Variants in ABI2 observed in about 807,000 individuals in gnomAD.
The protein encoded by ABI2 is abl interactor 2, also known as abelson interactor 2.
Under a neutral mutation model 59.2 loss-of-function variants are expected in ABI2, and 25 were observed. The observed-to-expected ratio is 0.42, with a 90% CI of 0.31 to 0.59. The LOEUF (loss-of-function observed/expected upper bound fraction) is 0.59. Ranked by LOEUF, ABI2 falls within the 20% of genes least tolerant of loss-of-function variation. The probability of loss-of-function intolerance (pLI) is 0.14; values close to 1 mark genes in which losing one functional copy is unlikely to be tolerated. For missense variants in ABI2, 545 were observed against 681.8 expected, an observed-to-expected ratio of 0.80 and a Z score of 2.23; for synonymous variants, 213 against 235.5, an observed-to-expected ratio of 0.90 and a Z score of 0.87.
intron 1 of ABI2, among the ~76,000 whole-genome samples, chr2:203,347,974 C>T (rs116286210): frequency 7.9e-5 from 12 of 152,276 alleles, no homozygotes; most frequent in Non-Finnish European, 1.3e-4. Context: ...GCGCAGGTGG[C>T]TCATGCCTAT....
chr2:203,384,262 C>T (rs1464895053), intron 4 of ABI2, among the ~76,000 whole-genome samples: 1 of 148,154 alleles, frequency 6.7e-6, no homozygotes, highest in Non-Finnish European at 1.5e-5. Flanking sequence ...TGAACTGGTT[C>T]CTGTTCCATA....
At chr2:203,338,115 G>C (rs6435184) in intron 1 of ABI2, among the ~76,000 whole-genome samples, 113,234 of 152,158 alleles carry the variant, frequency 0.74, 43,296 homozygotes, top group Middle Eastern at 0.87. Context: ...CGGAAATGTA[G>C]CCACATCTGT....
chr2:203,412,898 C>CT (rs1340200414), intron 10 of ABI2, among the ~76,000 whole-genome samples: 2 of 152,228 alleles, frequency 1.3e-5, no homozygotes, highest in Non-Finnish European at 2.9e-5. Flanking sequence ...AATTGAAGGA[C>CT]TTTCCAATGC....
chr2:203,338,938 A>ATATATATATATATATATATT (rs2077886964), intron 1 of ABI2, among the ~76,000 whole-genome samples: 1 of 8,296 alleles, frequency 1.2e-4, no homozygotes, highest in African/African-American at 1.5e-4. Flanking sequence ...GTATATGTAT[A>ATATATATATATATATATATT]TATATATATA....
intron 1 of ABI2, among the ~76,000 whole-genome samples, chr2:203,337,223 C>T (rs886153066): frequency 4.6e-5 from 7 of 152,144 alleles, no homozygotes; most frequent in African/African-American, 1.4e-4. Context: ...TTGCAAATGA[C>T]ATGATTCCTT....
chr2:203,426,625 T>C (rs1436576761), intron 11 of ABI2, among the ~76,000 whole-genome samples: 3 of 152,126 alleles, frequency 2.0e-5, no homozygotes, highest in African/African-American at 7.2e-5. Flanking sequence ...TACATTTAAC[T>C]TGGGGAAATT....
chr2:203,347,189 G>T (rs1187195915), intron 1 of ABI2, among the ~76,000 whole-genome samples: 3 of 152,288 alleles, frequency 2.0e-5, no homozygotes. Flanking sequence ...AAGCAAGGAA[G>T]TGATGGGTTT....
intron 8 of ABI2, 37 bp from the exon 9 acceptor site, chr2:203,402,539 C>A: frequency 7.3e-7 from 1 of 1,376,984 alleles, no homozygotes; most frequent in Non-Finnish European, 9.5e-7. Context: ...AGATAATTTT[C>A]TTTTAATGAC....
In ABI2 at chr2:203,402,783, A is replaced by G. The variant is rs1166283023; in HGVS notation, c.1192+49A>G. ...TTCTATAGAATGTATTTAATTAAAA[A>G]CCTTCAACTACAAAAAACCCTTAAT... On this transcript the variant is annotated intron_variant, in intron 9 of 11. Transcript: ENST00000261018. The G allele has an allele frequency of 2.8e-6, 4 of 1,437,950 alleles. No individual in the cohort carries two copies. In the African/African-American group the frequency reaches 5.8e-5, roughly 21 times the overall value. 89.1% of individuals were successfully genotyped at this position (1,437,950 alleles called of 1,614,324 possible).
chr2:203,427,152 C>A, intron 11 of ABI2, 25 bp from the exon 12 acceptor site: 1 of 1,602,206 alleles, frequency 6.2e-7, no homozygotes, highest in Non-Finnish European at 8.5e-7. Flanking sequence ...TCTTTCACAT[C>A]CTGTTTTGTT....
intron 1 of ABI2, among the ~76,000 whole-genome samples, chr2:203,330,667 C>T (rs2072656379): frequency 6.6e-6 from 1 of 152,048 alleles, no homozygotes; most frequent in Non-Finnish European, 1.5e-5. Flanking sequence ...CCTTGTGCAG[C>T]ATATTATGGG....
At chr2:203,391,591 C>G (rs984172342) in intron 5 of ABI2, among the ~76,000 whole-genome samples, 1 of 152,028 alleles carries the variant, frequency 6.6e-6, no homozygotes, top group Admixed American at 6.6e-5. Context: ...GAGACCAAAG[C>G]GGGCAGATCA....
intron 1 of ABI2, among the ~76,000 whole-genome samples, chr2:203,334,794 G>T (rs1469254628): frequency 6.6e-6 from 1 of 151,924 alleles, no homozygotes. Flanking sequence ...CTGAGTAGCT[G>T]GGATTACAGG....
chr2:203,328,449 C>T lies in ABI2; in HGVS notation c.-66C>T. The T allele has an allele frequency of 7.3e-7, 1 of 1,367,090 alleles. No homozygotes were observed. Among genetic ancestry groups the T allele is most frequent in the Non-Finnish European group, 1.0e-6 (1 of 987,984 alleles). 84.7% of individuals were successfully genotyped at this position (1,367,090 alleles called of 1,614,324 possible). On this transcript the variant is annotated 5_prime_UTR_variant, in exon 1 of 12. Transcript: ENST00000261018. The stretch of plus-strand genomic sequence containing the variant: ...CTCCTCCTCTCCCGGTCCTGGGTTT[C>T]CTTGGCGCTGCGGCCGCCGCTCCCT...
Position 203,395,483 on chromosome 2 carries a change from ACAT to A in ABI2, c.726-172_726-170del, listed in dbSNP as rs1481377099. Among the ~76,000 whole-genome samples the A allele has an allele frequency of 2.8e-3, 413 of 149,928 alleles. 3 individuals carry two copies. Among genetic ancestry groups the A allele is most frequent in the African/African-American group, 9.6e-3 (390 of 40,736 alleles). ...CACACACACACACACACACACACAC[ACAT>A]TTTTTTTTAACCTGTCACTGACTTG... On this transcript the variant is annotated intron_variant, in intron 6 of 11. Coordinates refer to ENST00000261018, the MANE Select transcript of ABI2 (RefSeq NM_001375670.1).
At chr2:203,426,684 G>C (rs2098434155) in intron 11 of ABI2, among the ~76,000 whole-genome samples, 1 of 150,742 alleles carries the variant, frequency 6.6e-6, no homozygotes, top group East Asian at 2.0e-4. Context: ...GAGAGAGTGA[G>C]AAAGGAGACA....
chr2:203,346,438 A>C (rs76807835), intron 1 of ABI2, among the ~76,000 whole-genome samples: 5,729 of 152,314 alleles, frequency 0.038, 351 homozygotes, highest in African/African-American at 0.13. Flanking sequence ...ATGATACCAT[A>C]TTACTGCCTG....
At chr2:203,363,334 G>A (rs78444112) in intron 1 of ABI2, among the ~76,000 whole-genome samples, 2,491 of 152,206 alleles carry the variant, frequency 0.016, 61 homozygotes, top group African/African-American at 0.056. Flanking sequence ...ATTTTAAAAT[G>A]TACAATTAAA....
rs2094181264 is a variant in ABI2 at position 203,364,889 on chromosome 2, A to C, written c.118-1988A>C. Among the ~76,000 whole-genome samples the C allele has an allele frequency of 2.0e-5, 3 of 152,094 alleles. No homozygotes were observed. The South Asian group carries it at 6.2e-4, about 32-fold the overall frequency. On this transcript the variant is annotated intron_variant, in intron 1 of 11. Coordinates refer to ENST00000261018, the MANE Select transcript of ABI2 (RefSeq NM_001375670.1). ...GATAGGACTACAGGGGTCCACCATC[A>C]TGCCTGGCTGATTTTCTAAACTTTT...
Sources: allele counts gnomAD v4.1 joint callset (sites outside exome capture counted in the v4.1 genomes callset), GRCh38; gene constraint gnomAD v4.1.1; transcripts MANE v1.5; gene names NCBI Gene and HGNC (gene_info 2026-07-23, HGNC 2026-07-21).